Variants in LRP1B observed in about 807,000 individuals in gnomAD.
LRP1B encodes low-density lipoprotein receptor-related protein 1B.
In LRP1B, 217 loss-of-function variants were observed where a neutral mutation model predicts 556.6. That is an observed-to-expected ratio of 0.39 (90% CI 0.35 to 0.44). LRP1B has a LOEUF of 0.44. Among genes scored for constraint, LRP1B ranks in the 20% least tolerant of loss-of-function variants. The pLI, the probability that LRP1B is intolerant of heterozygous loss-of-function variation, is 1.00. For synonymous variants in LRP1B, 2,047 were observed against 1,865.8 expected (o/e 1.10, Z -2.50); for missense variants, 5,053 against 5,620.8 (o/e 0.90, Z 3.23).
intron 1 of LRP1B, among the ~76,000 whole-genome samples, chr2:141,999,240 C>G (rs1702589784): frequency 6.6e-6 from 1 of 152,052 alleles, no homozygotes; most frequent in African/African-American, 2.4e-5. Context: ...GCATGTCCGA[C>G]CCTCCCCTCC....
chr2:140,503,787 C>A (rs1294115628), intron 53 of LRP1B, among the ~76,000 whole-genome samples: 1 of 152,022 alleles, frequency 6.6e-6, no homozygotes, highest in Non-Finnish European at 1.5e-5. Flanking sequence ...ACTATAAAAA[C>A]AGTTATTCCT....
At chr2:141,117,174 ATTT>A (rs1251618848) in intron 7 of LRP1B, among the ~76,000 whole-genome samples, 1 of 151,466 alleles carries the variant, frequency 6.6e-6, no homozygotes, top group African/African-American at 2.4e-5. Flanking sequence ...GATTTCTTCT[ATTT>A]TATAAATAGA....
chr2:140,716,562 C>A, intron 36 of LRP1B, 120 bp downstream of exon 36: 1 of 971,296 alleles, frequency 1.0e-6, no homozygotes, highest in Non-Finnish European at 1.5e-6. Flanking sequence ...ACTATTTACC[C>A]CTGTGGCTAG....
Position 140,444,312 on chromosome 2 carries a change from T to C in LRP1B, c.10294+18A>G. Reference sequence around the variant, plus strand: ...GAGTCAAAGTTAAGACAAGACAGAGTATTTTGAGGTGACTTACGACAGTCT... The same window carrying C: ...GAGTCAAAGTTAAGACAAGACAGAGCATTTTGAGGTGACTTACGACAGTCT... On this transcript the variant is annotated intron_variant, in intron 65 of 90. Coordinates refer to ENST00000389484, the MANE Select transcript of LRP1B (RefSeq NM_018557.3). 4 of 1,613,450 alleles carry C rather than the reference T, an allele frequency of 2.5e-6. No homozygotes were observed. The highest frequency in any genetic ancestry group is 3.4e-6 in the Non-Finnish European group (4 of 1,179,666).
chr2:140,276,809 C>T (rs1682690647), intron 84 of LRP1B, among the ~76,000 whole-genome samples: 1 of 151,864 alleles, frequency 6.6e-6, no homozygotes, highest in African/African-American at 2.4e-5. Flanking sequence ...ATTATAGAAT[C>T]ATATAGGGAA....
At chr2:141,069,307 C>T (rs981467038) in intron 7 of LRP1B, among the ~76,000 whole-genome samples, 2 of 152,066 alleles carry the variant, frequency 1.3e-5, no homozygotes, top group African/African-American at 2.4e-5. Context: ...AAACCTGACA[C>T]TGTGAAAGTG....
intron 1 of LRP1B, among the ~76,000 whole-genome samples, chr2:141,885,756 T>C (rs1242829979): frequency 6.6e-6 from 1 of 152,202 alleles, no homozygotes; most frequent in African/African-American, 2.4e-5. Flanking sequence ...TGTATTCTAC[T>C]TTCCCAGTTC....
At chr2:141,644,857 C>A (rs1191573867) in intron 2 of LRP1B, among the ~76,000 whole-genome samples, 1 of 151,858 alleles carries the variant, frequency 6.6e-6, no homozygotes, top group Non-Finnish European at 1.5e-5. Context: ...CATCTATCAG[C>A]ATCAGCACTG....
chr2:140,725,744 A>G (rs968333814), intron 35 of LRP1B, among the ~76,000 whole-genome samples: 8 of 152,090 alleles, frequency 5.3e-5, no homozygotes, highest in Non-Finnish European at 8.8e-5. Flanking sequence ...TTCTGATCAC[A>G]CCTGCCACTG....
intron 2 of LRP1B, among the ~76,000 whole-genome samples, chr2:141,644,009 AGT>A (rs1157822442): frequency 8.0e-3 from 210 of 26,096 alleles, no homozygotes; most frequent in Middle Eastern, 0.028. Flanking sequence ...GAATGTGGAG[AGT>A]GTGTGTGTGT....
At chr2:141,655,029 G>GT (rs1284644097) in intron 2 of LRP1B, among the ~76,000 whole-genome samples, 2 of 152,088 alleles carry the variant, frequency 1.3e-5, no homozygotes, top group African/African-American at 4.8e-5. Context: ...ACCTAGAATA[G>GT]TTTTACAGAA....
Position 141,317,202 on chromosome 2 carries a change from T to C in LRP1B, c.344-62561A>G, listed in dbSNP as rs1004668485. 6.6e-5 allele frequency among the ~76,000 whole-genome samples: 10 copies of C among 152,340 alleles called. No individual in the cohort carries two copies. In the East Asian group the frequency reaches 1.5e-3, roughly 23 times the overall value. On this transcript the variant is annotated intron_variant, in intron 3 of 90. Transcript: ENST00000389484. ...AGAATTATTGCTATATTGGATAAAC[T>C]TTGATTTTTAATAGTGTTTCTGTGT...
At chr2:140,926,461 C>T (rs145171320) in intron 20 of LRP1B, among the ~76,000 whole-genome samples, 321 of 152,100 alleles carry the variant, frequency 2.1e-3, no homozygotes, top group African/African-American at 7.2e-3. Context: ...CCCACCTCAG[C>T]CTCTCAAGTA....
chr2:140,324,140 A>G (rs1201578721), intron 80 of LRP1B, 74 bp from the exon 81 acceptor site: 1 of 898,322 alleles, frequency 1.1e-6, no homozygotes, highest in Non-Finnish European at 1.7e-6. Flanking sequence ...TTTATCCAAG[A>G]CGATATTGAA....
chr2:141,826,354 G>GTTTTTTT (rs70994454), intron 1 of LRP1B, among the ~76,000 whole-genome samples: 13 of 97,068 alleles, frequency 1.3e-4, no homozygotes, highest in South Asian at 3.9e-4. Context: ...CTTTTCAGAA[G>GTTTTTTT]TTTTTTTTTT....
chr2:140,525,461 G>A (rs1410191358), intron 49 of LRP1B, among the ~76,000 whole-genome samples: 1 of 151,814 alleles, frequency 6.6e-6, no homozygotes, highest in Non-Finnish European at 1.5e-5. Context: ...AAACATTGCT[G>A]TACAATAACA....
At position 140,839,177 on chromosome 2, in the gene LRP1B, A is replaced by G. The variant is rs552662407; in HGVS notation, c.5209+814T>C. Among the ~76,000 whole-genome samples, 14 of 152,360 alleles carry G rather than the reference A, an allele frequency of 9.2e-5. No individual in the cohort carries two copies. The East Asian group carries it at 2.7e-3, about 29-fold the overall frequency. On this transcript the variant is annotated intron_variant, in intron 31 of 90. Transcript: ENST00000389484. ...CATTGTATCAGATATTTCACCAGTG[A>G]AAATAAGAGATTGATTAATTAAATT... is the stretch of plus-strand genomic sequence containing the variant.
At chr2:141,838,336 C>G (rs1055437819) in intron 1 of LRP1B, among the ~76,000 whole-genome samples, 2 of 152,128 alleles carry the variant, frequency 1.3e-5, no homozygotes, top group African/African-American at 2.4e-5. Context: ...CTGCATTAAC[C>G]TGGTGAATTG....
chr2:141,402,831 T>C (rs1379155802), intron 3 of LRP1B, among the ~76,000 whole-genome samples: 1 of 152,248 alleles, frequency 6.6e-6, no homozygotes, highest in Admixed American at 6.5e-5. Context: ...AAAATCAAAA[T>C]TTTTGGAATG....
Sources: gnomAD v4.1 joint callset for allele counts (sites outside exome capture counted in the v4.1 genomes callset) on GRCh38, gnomAD v4.1.1 for gene constraint, MANE v1.5 for transcripts, NCBI Gene and HGNC (gene_info 2026-07-23, HGNC 2026-07-21) for gene names.